CAMK1D: variants seen among roughly 807,000 people sequenced by gnomAD.
The protein encoded by CAMK1D is calcium/calmodulin dependent protein kinase ID, also known as calcium/calmodulin-dependent protein kinase type 1D.
Under a neutral mutation model 47.7 loss-of-function variants are expected in CAMK1D, and 9 were observed. The observed-to-expected ratio is 0.19, with a 90% CI of 0.11 to 0.33. The LOEUF is 0.33. CAMK1D is among the 10% of genes least tolerant of loss of function. The pLI, the probability that CAMK1D is intolerant of heterozygous loss-of-function variation, is 1.00. For missense variants in CAMK1D, 291 were observed against 488.7 expected (o/e 0.60, Z 3.81); for synonymous variants, 184 against 184.9 (o/e 0.99, Z 0.04).
At chr10:12,427,063 T>A (rs1033493189) in intron 1 of CAMK1D, among the ~76,000 whole-genome samples, 3 of 151,808 alleles carry the variant, frequency 2.0e-5, no homozygotes, top group Non-Finnish European at 2.9e-5. Flanking sequence ...TTGCCCAGAC[T>A]GGTCTCGAAC....
chr10:12,589,093 C>T (rs918629245), intron 2 of CAMK1D, among the ~76,000 whole-genome samples: 3 of 152,062 alleles, frequency 2.0e-5, no homozygotes, highest in Non-Finnish European at 4.4e-5. Context: ...CCTCCATCTC[C>T]CAGGCTTAAG....
chr10:12,515,139 A>AG (rs1298519812), intron 1 of CAMK1D, among the ~76,000 whole-genome samples: 1 of 151,996 alleles, frequency 6.6e-6, no homozygotes, highest in Non-Finnish European at 1.5e-5. Flanking sequence ...CTGGGATTAC[A>AG]GCATGAGCCA....
At chr10:12,826,841 G>A (rs1296162440) in intron 10 of CAMK1D, among the ~76,000 whole-genome samples, 1 of 152,184 alleles carries the variant, frequency 6.6e-6, no homozygotes, top group African/African-American at 2.4e-5. Flanking sequence ...CCCCACGATG[G>A]ATCCCTTCTT....
At chr10:12,437,699 T>G (rs966564989) in intron 1 of CAMK1D, among the ~76,000 whole-genome samples, 2 of 152,160 alleles carry the variant, frequency 1.3e-5, no homozygotes, top group African/African-American at 2.4e-5. Context: ...ACATTAGGGC[T>G]CACTCTTGGT....
intron 1 of CAMK1D, among the ~76,000 whole-genome samples, chr10:12,430,268 G>A (rs762934712): frequency 1.4e-4 from 22 of 152,116 alleles, no homozygotes; most frequent in Non-Finnish European, 2.2e-4. Context: ...TCAGCAAAGC[G>A]CTGTGGTCAA....
In CAMK1D at chr10:12,506,880, C is replaced by T. The variant is rs151107104; in HGVS notation, c.93-46345C>T. 5.3e-5 allele frequency among the ~76,000 whole-genome samples: 8 copies of T among 152,308 alleles called. No individual in the cohort carries two copies. In the East Asian group the frequency reaches 1.5e-3, roughly 29 times the overall value. On this transcript the variant is annotated intron_variant, in intron 1 of 10. Coordinates refer to ENST00000619168, the MANE Select transcript of CAMK1D (RefSeq NM_153498.4). Reference sequence around the variant, plus strand: ...GAGCCCGAGGGTAGGACCTGCCAACCTCGGGTCACATCATGTCCTTAGTTC... The same window carrying T: ...GAGCCCGAGGGTAGGACCTGCCAACTTCGGGTCACATCATGTCCTTAGTTC...
intron 2 of CAMK1D, among the ~76,000 whole-genome samples, chr10:12,559,300 G>A (rs544867511): frequency 6.6e-6 from 1 of 152,066 alleles, no homozygotes; most frequent in East Asian, 1.9e-4. Flanking sequence ...TAAATAAAAG[G>A]AAAAAACAAA....
intron 3 of CAMK1D, among the ~76,000 whole-genome samples, chr10:12,695,480 C>T (rs143034254): frequency 6.6e-6 from 1 of 152,308 alleles, no homozygotes; most frequent in African/African-American, 2.4e-5. Context: ...CCTTCTCCTC[C>T]CTGGCCCTGT....
At chr10:12,747,151 C>G (rs1340496500) in intron 3 of CAMK1D, among the ~76,000 whole-genome samples, 1 of 152,188 alleles carries the variant, frequency 6.6e-6, no homozygotes, top group Admixed American at 6.5e-5. Flanking sequence ...CCTGCCTCAG[C>G]TTCCCGAGTA....
chr10:12,598,587 G>A (rs181864975), intron 2 of CAMK1D, among the ~76,000 whole-genome samples: 595 of 152,282 alleles, frequency 3.9e-3, no homozygotes, highest in Middle Eastern at 0.02. Context: ...TTTAAAAACC[G>A]TGGATGCTCT....
chr10:12,562,768 G>T (rs1462778406), intron 2 of CAMK1D, among the ~76,000 whole-genome samples: 1 of 152,148 alleles, frequency 6.6e-6, no homozygotes, highest in East Asian at 1.9e-4. Flanking sequence ...ACTGTGCCAT[G>T]GGATCTCTGC....
chr10:12,400,366 CTG>C (rs2131911671), intron 1 of CAMK1D, among the ~76,000 whole-genome samples: 1 of 152,270 alleles, frequency 6.6e-6, no homozygotes, highest in South Asian at 2.1e-4. Flanking sequence ...TACCTAAAGT[CTG>C]AGCAGTCAAG....
At chr10:12,563,693 GA>G (rs1688376720) in intron 2 of CAMK1D, among the ~76,000 whole-genome samples, 1 of 63,814 alleles carries the variant, frequency 1.6e-5, no homozygotes, top group Non-Finnish European at 4.0e-5. Flanking sequence ...GAGAGAGAGA[GA>G]GAGAGGGAGA....
chr10:12,529,645 G>A (rs1011637359), intron 1 of CAMK1D, among the ~76,000 whole-genome samples: 6 of 152,196 alleles, frequency 3.9e-5, no homozygotes, highest in Admixed American at 3.3e-4. Flanking sequence ...TCATAGAGAC[G>A]AGCCACACAG....
chr10:12,454,308 G>A lies in CAMK1D; in HGVS notation c.93-98917G>A, dbSNP rs140124063. 2.9e-3 allele frequency among the ~76,000 whole-genome samples: 438 copies of A among 152,026 alleles called. 3 individuals carry two copies. Among genetic ancestry groups the A allele is most frequent in the African/African-American group, 0.01 (418 of 41,464 alleles). ...CTCCTGAGTAGCTGGGACTACAGGC[G>A]CGTGCCACCACGCCTGGCTAATTTT... On this transcript the variant is annotated intron_variant, in intron 1 of 10. Transcript: ENST00000619168.
chr10:12,491,505 G>T (rs1341982067), intron 1 of CAMK1D, among the ~76,000 whole-genome samples: 2 of 152,104 alleles, frequency 1.3e-5, no homozygotes, highest in African/African-American at 2.4e-5. Flanking sequence ...GTGGGTGGAT[G>T]GGAATTTCCT....
chr10:12,547,449 A>G (rs2132259333), intron 1 of CAMK1D, among the ~76,000 whole-genome samples: 1 of 152,272 alleles, frequency 6.6e-6, no homozygotes, highest in African/African-American at 2.4e-5. Context: ...TTCAGCTTTA[A>G]ATGCACAGTG....
At chr10:12,679,798 G>A (rs1840929973) in intron 3 of CAMK1D, among the ~76,000 whole-genome samples, 1 of 152,078 alleles carries the variant, frequency 6.6e-6, no homozygotes. Flanking sequence ...ATACCCATCT[G>A]CCTGGAGCAC....
At chr10:12,522,579 A>G (rs1404042103) in intron 1 of CAMK1D, among the ~76,000 whole-genome samples, 1 of 151,736 alleles carries the variant, frequency 6.6e-6, no homozygotes, top group East Asian at 1.9e-4. Flanking sequence ...CAAAATGAAA[A>G]GTCTCCCATG....
Sources: gnomAD v4.1 joint callset for allele counts (sites outside exome capture counted in the v4.1 genomes callset) on GRCh38, gnomAD v4.1.1 for gene constraint, MANE v1.5 for transcripts, NCBI Gene and HGNC (gene_info 2026-07-23, HGNC 2026-07-21) for gene names.